The following KSR2 variants were observed in gnomAD, a reference collection of about 807,000 sequenced individuals.
The protein encoded by KSR2 is kinase suppressor of ras 2.
KSR2 carries 25 observed loss-of-function variants against 107.8 expected under a neutral mutation model. The ratio of observed to expected loss-of-function variants is 0.23; its 90% confidence interval spans 0.17 to 0.32. The LOEUF (loss-of-function observed/expected upper bound fraction) is 0.32, where lower values mean the gene tolerates loss of function less well. KSR2 is among the 10% of genes least tolerant of loss of function. The pLI, the probability that KSR2 is intolerant of heterozygous loss-of-function variation, is 1.00. For missense variants in KSR2, 887 were observed against 1,268.9 expected (o/e 0.70, Z 4.57); for synonymous variants, 480 against 507.0 (o/e 0.95, Z 0.71).
At chr12:117,759,073 G>A (rs1362308709) in intron 4 of KSR2, among the ~76,000 whole-genome samples, 1 of 152,142 alleles carries the variant, frequency 6.6e-6, no homozygotes, top group African/African-American at 2.4e-5. Context: ...CACCCTCAGA[G>A]GTCTCAAACA....
At chr12:117,641,815 C>A (rs564613238) in intron 5 of KSR2, among the ~76,000 whole-genome samples, 7 of 152,080 alleles carry the variant, frequency 4.6e-5, no homozygotes, top group African/African-American at 1.7e-4. Flanking sequence ...GCACCTGAGG[C>A]GAAGGCTTGT....
chr12:117,923,924 G>A (rs1475223040), intron 1 of KSR2, among the ~76,000 whole-genome samples: 1 of 150,920 alleles, frequency 6.6e-6, no homozygotes, highest in East Asian at 2.0e-4. Flanking sequence ...TGTTGCCCAG[G>A]CTGGAGTGCA....
At chr12:117,796,044 G>A (rs1033743703) in intron 3 of KSR2, among the ~76,000 whole-genome samples, 5 of 152,044 alleles carry the variant, frequency 3.3e-5, no homozygotes, top group African/African-American at 1.2e-4. Flanking sequence ...CTCCAACCTC[G>A]GACTCCTGTG....
chr12:117,836,328 T>TA (rs1892212490), intron 3 of KSR2, among the ~76,000 whole-genome samples: 1 of 152,128 alleles, frequency 6.6e-6, no homozygotes, highest in South Asian at 2.1e-4. Flanking sequence ...TCCAGAAAGA[T>TA]ACTGGAGGCA....
At chr12:117,746,273 T>C (rs1390903023) in intron 4 of KSR2, among the ~76,000 whole-genome samples, 3 of 151,886 alleles carry the variant, frequency 2.0e-5, no homozygotes, top group Non-Finnish European at 4.4e-5. Flanking sequence ...TCAGAAATAA[T>C]ACCACACATC....
In KSR2 at chr12:117,455,034, C is replaced by CAGAGAGAGAGAGAGAGAGAGAGAGAG. The variant is rs1166413767; in HGVS notation, c.*12139_*12164dup. 4.4e-5 allele frequency: 4 copies of CAGAGAGAGAGAGAGAGAGAGAGAGAG among 91,622 alleles called. No individual in the cohort carries two copies. The highest frequency in any genetic ancestry group is 1.8e-4 in the African/African-American group (4 of 21,802). The allele number at this position is 91,622 out of a possible 1,614,324, so 5.7% of individuals were successfully genotyped here. On this transcript the variant is annotated 3_prime_UTR_variant, in exon 20 of 20. Coordinates refer to ENST00000339824, the MANE Select transcript of KSR2 (RefSeq NM_173598.6). ...AGAGACAGACACAGAGACAGACAGA[C>CAGAGAGAGAGAGAGAGAGAGAGAGAG]AGAGAGAGAGAGAGAGAGAGAGAGA...
intron 17 of KSR2, among the ~76,000 whole-genome samples, chr12:117,474,250 C>A (rs1158859892): frequency 6.6e-6 from 1 of 151,614 alleles, no homozygotes; most frequent in East Asian, 1.9e-4. Context: ...ATTTTTTTTT[C>A]TTTTGCTAAA....
chr12:117,672,072 C>A (rs1351380601), intron 4 of KSR2, among the ~76,000 whole-genome samples: 1 of 152,140 alleles, frequency 6.6e-6, no homozygotes, highest in Non-Finnish European at 1.5e-5. Context: ...CGAGGACCAG[C>A]AAGGAGCCTC....
intron 3 of KSR2, among the ~76,000 whole-genome samples, chr12:117,787,207 C>A (rs1330664362): frequency 2.6e-5 from 4 of 152,168 alleles, no homozygotes; most frequent in African/African-American, 7.2e-5. Context: ...CCCTTAGAGA[C>A]TGTAAGGTCT....
intron 1 of KSR2, among the ~76,000 whole-genome samples, chr12:117,898,803 T>C (rs1325470621): frequency 6.6e-6 from 1 of 151,986 alleles, no homozygotes; most frequent in Non-Finnish European, 1.5e-5. Context: ...CTGGAGATTA[T>C]GTTAAGTGGA....
chr12:117,485,811 T>C (rs1187772140), intron 14 of KSR2, 120 bp from the exon 15 acceptor site: 1 of 679,856 alleles, frequency 1.5e-6, no homozygotes. Flanking sequence ...ATTGTGCTTA[T>C]GAGATAATAA....
At chr12:117,832,966 G>A (rs75617190) in intron 3 of KSR2, among the ~76,000 whole-genome samples, 1 of 152,176 alleles carries the variant, frequency 6.6e-6, no homozygotes, top group Admixed American at 6.5e-5. Flanking sequence ...AGTGGCTTCT[G>A]CACAGCACGT....
At chr12:117,522,240 C>T (rs1045316194) in intron 14 of KSR2, among the ~76,000 whole-genome samples, 1 of 152,122 alleles carries the variant, frequency 6.6e-6, no homozygotes, top group African/African-American at 2.4e-5. Context: ...TCAAGGATGG[C>T]TGCTGAGTTT....
intron 14 of KSR2, among the ~76,000 whole-genome samples, chr12:117,490,133 C>T (rs905884184): frequency 6.6e-6 from 1 of 152,176 alleles, no homozygotes; most frequent in Non-Finnish European, 1.5e-5. Flanking sequence ...GATGCATAGC[C>T]TTGATGGGAA....
chr12:117,870,964 G>T (rs1010650653), intron 1 of KSR2, among the ~76,000 whole-genome samples: 30 of 152,338 alleles, frequency 2.0e-4, no homozygotes, highest in African/African-American at 7.2e-4. Context: ...GTTGGGCAGA[G>T]ATCGAGCAGT....
chr12:117,628,538 A>G (rs1882644381), intron 5 of KSR2, among the ~76,000 whole-genome samples: 1 of 152,182 alleles, frequency 6.6e-6, no homozygotes, highest in African/African-American at 2.4e-5. Flanking sequence ...AGGCTGCAGA[A>G]CAGCAAATAT....
At chr12:117,910,899 C>G (rs142047780) in intron 1 of KSR2, among the ~76,000 whole-genome samples, 1 of 152,274 alleles carries the variant, frequency 6.6e-6, no homozygotes, top group East Asian at 1.9e-4. Flanking sequence ...GACCACAGTT[C>G]GGTGCCTCCC....
intron 1 of KSR2, among the ~76,000 whole-genome samples, chr12:117,873,348 G>GA (rs199514257): frequency 0.31 from 25,549 of 82,582 alleles, 3,607 homozygotes; most frequent in East Asian, 0.52. Flanking sequence ...TGTCTCAAAA[G>GA]AAAAAAAAAA....
At chr12:117,644,574 A>G (rs1883531876) in intron 5 of KSR2, among the ~76,000 whole-genome samples, 1 of 152,116 alleles carries the variant, frequency 6.6e-6, no homozygotes, top group African/African-American at 2.4e-5. Flanking sequence ...AGAATTTTAA[A>G]ATGCATCCCA....
Sources: gnomAD v4.1 joint callset for allele counts (sites outside exome capture counted in the v4.1 genomes callset) on GRCh38, gnomAD v4.1.1 for gene constraint, MANE v1.5 for transcripts, NCBI Gene and HGNC (gene_info 2026-07-23, HGNC 2026-07-21) for gene names.